IKZF3: variants seen among roughly 807,000 people sequenced by gnomAD.
The protein encoded by IKZF3 is IKAROS family zinc finger 3, also known as zinc finger protein Aiolos.
IKZF3 carries 10 observed loss-of-function variants against 49.0 expected under a neutral mutation model. The ratio of observed to expected loss-of-function variants is 0.20; its 90% CI spans 0.13 to 0.35. IKZF3 has a LOEUF of 0.35. Among genes scored for constraint, IKZF3 ranks in the 10% least tolerant of loss-of-function variants. The pLI is 1.00. For synonymous variants in IKZF3, 209 were observed against 228.2 expected (o/e 0.92, Z 0.76); for missense variants, 498 against 664.8 (o/e 0.75, Z 2.76).
At chr17:39,798,996 C>CGTGTGTGTGTGTGTGTGTGTGTGCGT (rs2061247894) in intron 3 of IKZF3, among the ~76,000 whole-genome samples, 1 of 148,982 alleles carries the variant, frequency 6.7e-6, no homozygotes, top group African/African-American at 2.5e-5. Context: ...TGTGTGTGTG[C>CGTGTGTGTGTGTGTGTGTGTGTGCGT]GTGTGTGTGT....
chr17:39,829,474 A>G lies in IKZF3; in HGVS notation c.76T>C (p.Leu26=), dbSNP rs1453308879. ...QSVPAESAAV[L]NDYSLTKSHE... is the part of the protein sequence containing the mutation. ...GATTTGGTTAAACTGTAGTCATTCA[A>G]AACCGCTGCACTTTCTAAAAGATAA... is the stretch of plus-strand genomic sequence containing the variant. The change falls in exon 3 of 8, where the codon TTG becomes CTG. Residue 26 remains leucine (L), a synonymous_variant. Transcript: ENST00000346872. The G allele has an allele frequency of 1.2e-6, 2 of 1,613,020 alleles. No individual in the cohort carries two copies. Among genetic ancestry groups the G allele is most frequent in the South Asian group, 2.2e-5 (2 of 91,052 alleles).
chr17:39,852,281 T>C (rs140157230), intron 1 of IKZF3, among the ~76,000 whole-genome samples: 1 of 152,314 alleles, frequency 6.6e-6, no homozygotes, highest in African/African-American at 2.4e-5. Flanking sequence ...CTGGAAAAAC[T>C]GGTCTGTAAT....
intron 6 of IKZF3, among the ~76,000 whole-genome samples, chr17:39,787,663 A>G (rs928140714): frequency 1.1e-4 from 17 of 152,218 alleles, no homozygotes; most frequent in African/African-American, 4.1e-4. Flanking sequence ...TGCTTGAATT[A>G]TTGCAATGGC....
At chr17:39,793,499 T>C (rs2143900121) in intron 3 of IKZF3, among the ~76,000 whole-genome samples, 1 of 152,340 alleles carries the variant, frequency 6.6e-6, no homozygotes, top group Admixed American at 6.5e-5. Flanking sequence ...TCTGTCTCTC[T>C]TGGAGCTGAT....
In IKZF3 at chr17:39,764,009, A is replaced by G. The variant is rs1369308226; in HGVS notation, c.*1781T>C. ...GCTGGGATTACAGGCATGTGCCACT[A>G]CTGCCCAGCTAATTTTTGTATTTTT... On this transcript the variant is annotated 3_prime_UTR_variant, in exon 8 of 8. Coordinates refer to ENST00000346872, the MANE Select transcript of IKZF3 (RefSeq NM_012481.5). The G allele has an allele frequency of 6.6e-6, 1 of 152,166 alleles. No individual in the cohort carries two copies. The highest frequency in any genetic ancestry group is 1.5e-5 in the Non-Finnish European group (1 of 68,046). The allele number at this position is 152,166 out of a possible 1,614,324, so 9.4% of individuals were successfully genotyped here.
Position 39,765,877 on chromosome 17 carries a change from C to G in IKZF3, c.1443G>C (p.Glu481Asp). The change falls in exon 8 of 8, where the codon GAG (glutamate) becomes GAC (aspartate). Residue 481 changes from glutamate (E) to aspartate (D), a missense_variant. By Grantham distance (45) the Glu-to-Asp change is conservative. Coordinates refer to ENST00000346872, the MANE Select transcript of IKZF3 (RefSeq NM_012481.5). ...GGCTTCGATATCCACACATGTTACA[C>G]TCGAAAGGGTCACGGAAGCCGTGGC... The part of the protein sequence containing the change: ...MGCHGFRDPF[E>D]CNMCGYRSHD... The G allele has an allele frequency of 6.2e-7, 1 of 1,614,246 alleles. No homozygotes were observed. The highest frequency in any genetic ancestry group is 8.5e-7 in the Non-Finnish European group (1 of 1,180,054).
intron 1 of IKZF3, among the ~76,000 whole-genome samples, chr17:39,863,078 T>A (rs2063259166): frequency 6.6e-6 from 1 of 152,162 alleles, no homozygotes; most frequent in Non-Finnish European, 1.5e-5. Flanking sequence ...TCCCATAGTA[T>A]ACAACAGCCC....
At chr17:39,808,466 A>G (rs770730495) in intron 3 of IKZF3, among the ~76,000 whole-genome samples, 4 of 152,240 alleles carry the variant, frequency 2.6e-5, no homozygotes, top group African/African-American at 9.6e-5. Flanking sequence ...GCTAAAATTC[A>G]TAAGGATCCA....
At chr17:39,850,843 A>AATATATAATATGCTCTATAGTATATATAC (rs1362124608) in intron 1 of IKZF3, among the ~76,000 whole-genome samples, 1 of 127,404 alleles carries the variant, frequency 7.8e-6, no homozygotes, top group Non-Finnish European at 1.5e-5. Context: ...TAGTATATAT[A>AATATATAATATGCTCTATAGTATATATAC]ATATATAATA....
chr17:39,762,962 C>T lies in IKZF3; in HGVS notation c.*2828G>A, dbSNP rs1052461528. ...CTAATCTGGTGGAAAGGCTTCCTTT[C>T]CCTCGTTTTCTCTTCTACTAATCCC... On this transcript the variant is annotated 3_prime_UTR_variant, in exon 8 of 8. Coordinates refer to ENST00000346872, the MANE Select transcript of IKZF3 (RefSeq NM_012481.5). The T allele has an allele frequency of 6.6e-6, 1 of 152,192 alleles. No individual in the cohort carries two copies. The highest frequency in any genetic ancestry group is 2.4e-5 in the African/African-American group (1 of 41,452). 9.4% of individuals were successfully genotyped at this position (152,192 alleles called of 1,614,324 possible). A position where few individuals can be genotyped will look rare whatever the true frequency, so the allele number is the denominator to read the frequency against.
At chr17:39,836,203 G>T in intron 1 of IKZF3, 1 of 652,374 alleles carries the variant, frequency 1.5e-6, no homozygotes. Flanking sequence ...GACCATGATG[G>T]CTGTGATGCC....
intron 1 of IKZF3, among the ~76,000 whole-genome samples, chr17:39,858,571 C>T (rs1018521278): frequency 1.3e-5 from 2 of 151,946 alleles, no homozygotes; most frequent in South Asian, 2.1e-4. Flanking sequence ...AGTGCAGTGG[C>T]GCGATCTTGG....
intron 2 of IKZF3, among the ~76,000 whole-genome samples, chr17:39,830,486 G>C (rs972775038): frequency 6.6e-6 from 1 of 152,060 alleles, no homozygotes; most frequent in Non-Finnish European, 1.5e-5. Flanking sequence ...TAAGTGAAAG[G>C]GAGCAGACAT....
At chr17:39,806,754 G>C (rs2061439517) in intron 3 of IKZF3, among the ~76,000 whole-genome samples, 1 of 152,132 alleles carries the variant, frequency 6.6e-6, no homozygotes, top group South Asian at 2.1e-4. Context: ...GTGTGGGCTG[G>C]ACCTAGGTGA....
At chr17:39,805,394 C>T (rs2061411413) in intron 3 of IKZF3, among the ~76,000 whole-genome samples, 1 of 152,012 alleles carries the variant, frequency 6.6e-6, no homozygotes, top group South Asian at 2.1e-4. Flanking sequence ...ATTTCTAACT[C>T]AAGGTATAAC....
chr17:39,792,652 T>C (rs553999984), intron 4 of IKZF3, 21 bp downstream of exon 4: 1 of 1,598,264 alleles, frequency 6.3e-7, no homozygotes, highest in South Asian at 1.1e-5. Context: ...TTCAGAAGAA[T>C]GAAAAAAGCA....
intron 1 of IKZF3, among the ~76,000 whole-genome samples, chr17:39,847,024 C>G (rs1255670310): frequency 6.6e-6 from 1 of 152,020 alleles, no homozygotes; most frequent in Non-Finnish European, 1.5e-5. Context: ...ATACCCATAC[C>G]TCTTTTTTAA....
At chr17:39,857,813 TA>T (rs1282697943) in intron 1 of IKZF3, among the ~76,000 whole-genome samples, 1 of 152,082 alleles carries the variant, frequency 6.6e-6, no homozygotes, top group African/African-American at 2.4e-5. Flanking sequence ...GGTTGGGTAC[TA>T]GTTACCACCG....
intron 3 of IKZF3, among the ~76,000 whole-genome samples, chr17:39,795,921 G>A (rs1198704740): frequency 2.0e-5 from 3 of 151,534 alleles, no homozygotes; most frequent in African/African-American, 7.3e-5. Context: ...GGGCATGGTG[G>A]CTCCCAGCTA....
Sources: gnomAD v4.1 joint callset for allele counts (sites outside exome capture counted in the v4.1 genomes callset) on GRCh38, gnomAD v4.1.1 for gene constraint, MANE v1.5 for transcripts, NCBI Gene and HGNC (gene_info 2026-07-23, HGNC 2026-07-21) for gene names.